Variants in HECW1 observed in about 807,000 individuals in gnomAD.
HECW1 encodes E3 ubiquitin-protein ligase HECW1.
Under a neutral mutation model 182.3 loss-of-function variants are expected in HECW1, and 61 were observed. That is an observed-to-expected ratio of 0.33 (90% CI 0.27 to 0.41). The LOEUF (loss-of-function observed/expected upper bound fraction) is 0.41, where lower values mean the gene tolerates loss of function less well. HECW1 is among the 10% of genes least tolerant of loss of function. The probability of loss-of-function intolerance (pLI) is 1.00; values close to 1 mark genes in which losing one functional copy is unlikely to be tolerated. For missense variants in HECW1, 1,739 were observed against 2,108.9 expected (o/e 0.82, Z 3.44); for synonymous variants, 859 against 832.6 (o/e 1.03, Z -0.55).
intron 6 of HECW1, among the ~76,000 whole-genome samples, chr7:43,362,037 A>G (rs1562886516): frequency 6.7e-6 from 1 of 150,336 alleles, no homozygotes; most frequent in East Asian, 2.0e-4. Context: ...GCTACTTGGG[A>G]AGCTAAGGCA....
In HECW1 at chr7:43,300,573, G is replaced by A. The variant is rs374088365; in HGVS notation, c.28-11190G>A. Among the ~76,000 whole-genome samples the A allele has an allele frequency of 2.2e-4, 34 of 152,226 alleles. No individual in the cohort carries two copies. The South Asian group carries it at 5.2e-3, about 23-fold the overall frequency. ...AGAGAGATGACTTTATATTGCTAACGGCCATGCCTGCTTCACTCTTCATCA... is the reference window on the plus strand; with the variant it reads ...AGAGAGATGACTTTATATTGCTAACAGCCATGCCTGCTTCACTCTTCATCA... On this transcript the variant is annotated intron_variant, in intron 3 of 29. Transcript: ENST00000395891.
chr7:43,243,989 C>G lies in HECW1; in HGVS notation c.27+57C>G. The G allele has an allele frequency of 7.5e-7, 1 of 1,339,796 alleles. No homozygotes were observed. The highest frequency in any genetic ancestry group is 1.1e-6 in the Non-Finnish European group (1 of 929,170). The allele number at this position is 1,339,796 out of a possible 1,614,324, so 83.0% of individuals were successfully genotyped here. A position where few individuals can be genotyped will look rare whatever the true frequency, so the allele number is the denominator to read the frequency against. Reference sequence around the variant, plus strand: ...TCCATGTCATTCCATTATAAACCCACTCCACTCATAATGGAATGTGCCTCA... The same window carrying G: ...TCCATGTCATTCCATTATAAACCCAGTCCACTCATAATGGAATGTGCCTCA... On this transcript the variant is annotated intron_variant, in intron 3 of 29. Transcript: ENST00000395891. The surrounding 1 kb of genome is among the most constrained non-coding windows in gnomAD (Gnocchi z 4.0).
At chr7:43,261,049 G>A (rs1238982837) in intron 3 of HECW1, among the ~76,000 whole-genome samples, 1 of 152,144 alleles carries the variant, frequency 6.6e-6, no homozygotes, top group Non-Finnish European at 1.5e-5. Flanking sequence ...GGTAAATGCT[G>A]AAGTAGGATT....
chr7:43,293,889 C>T (rs1805714867), intron 3 of HECW1, among the ~76,000 whole-genome samples: 1 of 152,118 alleles, frequency 6.6e-6, no homozygotes, highest in African/African-American at 2.4e-5. Context: ...CACCTCCCAT[C>T]AGACAAGCAG....
chr7:43,444,610 G>A lies in HECW1; in HGVS notation c.1438G>A (p.Ala480Thr). ...ALLLEDGEAP[A>T]STKEEPLEEE... is the part of the protein sequence containing the mutation. ...GCTGCTGGAAGACGGTGAAGCCCCA[G>A]CCAGCACCAAGGAGGAGCCCTTGGA... Residue 480 changes from alanine (A) to threonine (T), a missense_variant, in exon 11 of 30, where the codon GCC (alanine) becomes ACC (threonine). Around this residue, in one of 5 missense-constraint regions of HECW1, gnomAD observed 971 missense variants for 1,029.1 expected, o/e 0.94. Transcript: ENST00000395891. The surrounding 1 kb of genome is among the most constrained non-coding windows in gnomAD (Gnocchi z 4.3). 6.2e-7 allele frequency: 1 copy of A among 1,610,936 alleles called. No homozygotes were observed. Among genetic ancestry groups the A allele is most frequent in the South Asian group, 1.1e-5 (1 of 90,484 alleles).
At chr7:43,537,164 A>G (rs1285260488) in intron 24 of HECW1, among the ~76,000 whole-genome samples, 2 of 152,208 alleles carry the variant, frequency 1.3e-5, no homozygotes, top group Non-Finnish European at 2.9e-5. Flanking sequence ...AAGCCCTGCA[A>G]GCTCACACAC....
chr7:43,550,672 G>T, intron 27 of HECW1, 81 bp downstream of exon 27: 1 of 1,383,084 alleles, frequency 7.2e-7, no homozygotes, highest in South Asian at 1.3e-5. Flanking sequence ...CTCCCTGAGG[G>T]AGCAGCAGCT....
chr7:43,556,614 G>T (rs2082032295), intron 29 of HECW1, among the ~76,000 whole-genome samples: 1 of 152,042 alleles, frequency 6.6e-6, no homozygotes. Flanking sequence ...CTTGAGCCCA[G>T]GAGGCTGAGG....
At chr7:43,329,347 G>C (rs1811174224) in intron 5 of HECW1, among the ~76,000 whole-genome samples, 1 of 152,050 alleles carries the variant, frequency 6.6e-6, no homozygotes, top group Non-Finnish European at 1.5e-5. Context: ...TTCCGATTAG[G>C]CTTGCATTCT....
At chr7:43,542,543 A>G (rs1249428322) in intron 26 of HECW1, among the ~76,000 whole-genome samples, 1 of 151,528 alleles carries the variant, frequency 6.6e-6, no homozygotes, top group Non-Finnish European at 1.5e-5. Flanking sequence ...AAACAAATAT[A>G]TATACATATA....
At chr7:43,364,490 G>A (rs1816370112) in intron 6 of HECW1, among the ~76,000 whole-genome samples, 2 of 152,246 alleles carry the variant, frequency 1.3e-5, no homozygotes, top group South Asian at 4.1e-4. Context: ...CAGTACTGGA[G>A]CGTGAAGCCT....
At chr7:43,264,394 T>A (rs758299690) in intron 3 of HECW1, among the ~76,000 whole-genome samples, 1 of 152,210 alleles carries the variant, frequency 6.6e-6, no homozygotes, top group Non-Finnish European at 1.5e-5. Context: ...TCCTCCACGT[T>A]CATCCAGGTT....
At chr7:43,154,073 G>T (rs1255776934) in intron 2 of HECW1, among the ~76,000 whole-genome samples, 3 of 152,078 alleles carry the variant, frequency 2.0e-5, no homozygotes, top group African/African-American at 7.2e-5. Flanking sequence ...TGCAAATAAT[G>T]AATGACTGCC....
At chr7:43,272,047 C>G (rs78997177) in intron 3 of HECW1, among the ~76,000 whole-genome samples, 4 of 151,886 alleles carry the variant, frequency 2.6e-5, no homozygotes, top group Non-Finnish European at 5.9e-5. Flanking sequence ...AGGCCACCCC[C>G]CTACAGTCAT....
chr7:43,407,649 T>C lies in HECW1; in HGVS notation c.719T>C (p.Ile240Thr). 1 of 1,613,828 alleles carries C rather than the reference T, an allele frequency of 6.2e-7. No homozygotes were observed. Among genetic ancestry groups the C allele is most frequent in the Non-Finnish European group, 8.5e-7 (1 of 1,179,828 alleles). Residue 240 changes from isoleucine to threonine, a missense_variant, in exon 8 of 30, where the codon ATC becomes ACC. This residue lies in a region of HECW1 where 279 missense variants were observed against 353.1 expected (regional missense o/e 0.79). Coordinates refer to ENST00000395891, the MANE Select transcript of HECW1 (RefSeq NM_015052.5). ...TCCATTCAGCCTGGGAAACACAGCA[T>C]CTTCCCCGCCCTCCCTCACCATGGA... Reference protein sequence around the residue: ...KISIQPGKHSIFPALPHHGQE... With the variant: ...KISIQPGKHSTFPALPHHGQE...
chr7:43,465,795 T>C (rs2077745922), intron 14 of HECW1, among the ~76,000 whole-genome samples: 1 of 151,834 alleles, frequency 6.6e-6, no homozygotes, highest in African/African-American at 2.4e-5. Flanking sequence ...GCAGGCTGAG[T>C]ATCTGGGAGG....
chr7:43,326,702 T>A (rs186943608), intron 5 of HECW1, among the ~76,000 whole-genome samples: 3 of 152,330 alleles, frequency 2.0e-5, no homozygotes, highest in Admixed American at 1.3e-4. Flanking sequence ...CATATTGGTG[T>A]CTTGGTGACA....
chr7:43,332,323 C>A (rs1020687864), intron 5 of HECW1, among the ~76,000 whole-genome samples: 5 of 152,212 alleles, frequency 3.3e-5, no homozygotes, highest in African/African-American at 9.6e-5. Context: ...GCTGCTGAGA[C>A]CCTCTAAAGA....
Position 43,296,413 on chromosome 7 carries a change from C to T in HECW1, c.28-15350C>T, listed in dbSNP as rs112511775. ...GTGTGGCTCAGCTTTTCTTGTTGCC[C>T]AGGAAGGTCTATGGTGTGTCCTCCT... On this transcript the variant is annotated intron_variant, in intron 3 of 29. Coordinates refer to ENST00000395891, the MANE Select transcript of HECW1 (RefSeq NM_015052.5). Among the ~76,000 whole-genome samples, 6 of 152,226 alleles carry T rather than the reference C, an allele frequency of 3.9e-5. 1 individual carries two copies. The highest frequency in any genetic ancestry group is 1.4e-4 in the African/African-American group (6 of 41,526).
Sources: allele counts gnomAD v4.1 joint callset (sites outside exome capture counted in the v4.1 genomes callset), GRCh38; gene constraint gnomAD v4.1.1; regional missense constraint gnomAD v4.1.1; non-coding constraint Gnocchi (gnomAD v3.1); transcripts MANE v1.5; gene names NCBI Gene and HGNC (gene_info 2026-07-23, HGNC 2026-07-21).